The following LRP1B variants were observed in gnomAD, a reference collection of about 807,000 sequenced individuals.
LRP1B encodes LDL receptor related protein 1B, also known as low-density lipoprotein receptor-related protein 1B.
Under a neutral mutation model 556.6 loss-of-function variants are expected in LRP1B, and 217 were observed. The observed-to-expected ratio is 0.39, with a 90% CI of 0.35 to 0.44. The LOEUF (loss-of-function observed/expected upper bound fraction) is 0.44, where lower values mean the gene tolerates loss of function less well. LRP1B is among the 20% of genes least tolerant of loss of function. The pLI is 1.00. For missense variants in LRP1B, 5,053 were observed against 5,620.8 expected, an observed-to-expected ratio of 0.90 and a Z score of 3.23; for synonymous variants, 2,047 against 1,865.8, an observed-to-expected ratio of 1.10 and a Z score of -2.50.
intron 3 of LRP1B, among the ~76,000 whole-genome samples, chr2:141,404,066 G>T (rs973450683): frequency 6.6e-6 from 1 of 152,096 alleles, no homozygotes. Flanking sequence ...AACTCAAAAG[G>T]TTCCAGATGT....
intron 1 of LRP1B, among the ~76,000 whole-genome samples, chr2:141,905,516 T>C (rs1417965381): frequency 6.6e-6 from 1 of 151,450 alleles, no homozygotes; most frequent in African/African-American, 2.4e-5. Context: ...TTTAAGACAA[T>C]TGTCTTAAAT....
At chr2:141,270,415 AC>A (rs879335644) in intron 3 of LRP1B, among the ~76,000 whole-genome samples, 237 of 152,186 alleles carry the variant, frequency 1.6e-3, no homozygotes, top group Middle Eastern at 6.8e-3. Context: ...GATATGATAC[AC>A]TATTCCACTT....
At chr2:141,729,883 T>C (rs1693203520) in intron 2 of LRP1B, among the ~76,000 whole-genome samples, 1 of 152,106 alleles carries the variant, frequency 6.6e-6, no homozygotes, top group South Asian at 2.1e-4. Flanking sequence ...TGGGATCTGA[T>C]AGAGCAAGAG....
intron 6 of LRP1B, among the ~76,000 whole-genome samples, chr2:141,225,372 A>C (rs1683206044): frequency 6.6e-6 from 1 of 152,160 alleles, no homozygotes; most frequent in African/African-American, 2.4e-5. Flanking sequence ...TTTCCTTAAT[A>C]AGAGATTAAG....
chr2:141,034,808 A>G (rs922112791), intron 11 of LRP1B, among the ~76,000 whole-genome samples: 3 of 149,482 alleles, frequency 2.0e-5, no homozygotes, highest in African/African-American at 7.5e-5. Context: ...GCGATTCCTC[A>G]GGGATCTAGA....
rs941752505 is a variant in LRP1B, at chr2:141,865,159, C to T, written c.83-54758G>A. ...CTTTCTTGTTCTCAAGATCTTGTCT[C>T]GCATTTTTGTTTGTTTTTCTCTGCA... is the stretch of plus-strand genomic sequence containing the variant. On this transcript the variant is annotated intron_variant, in intron 1 of 90. Coordinates refer to ENST00000389484, the MANE Select transcript of LRP1B (RefSeq NM_018557.3). 7.9e-5 allele frequency among the ~76,000 whole-genome samples: 12 copies of T among 152,108 alleles called. No individual in the cohort carries two copies. In the East Asian group the frequency reaches 1.9e-3, roughly 24 times the overall value.
chr2:140,328,846 T>C (rs189857579), intron 79 of LRP1B, among the ~76,000 whole-genome samples: 45 of 152,078 alleles, frequency 3.0e-4, no homozygotes, highest in African/African-American at 1.1e-3. Context: ...TTTATGACAG[T>C]GATGGTAAAC....
At chr2:140,345,785 TATACACATATATACATATATAC>T (rs1681633071) in intron 77 of LRP1B, among the ~76,000 whole-genome samples, 1 of 138,832 alleles carries the variant, frequency 7.2e-6, no homozygotes, top group Non-Finnish European at 1.6e-5. Context: ...TATACATATA[TATACACATATATACATATATAC>T]ACATATATAT....
At chr2:141,176,265 G>C (rs1482962954) in intron 7 of LRP1B, among the ~76,000 whole-genome samples, 1 of 151,942 alleles carries the variant, frequency 6.6e-6, no homozygotes, top group Non-Finnish European at 1.5e-5. Context: ...GAGGGGCAGT[G>C]GTGCAATGAG....
chr2:140,509,867 CAAAT>C (rs975462967), intron 52 of LRP1B, 57 bp downstream of exon 52: 1 of 1,570,954 alleles, frequency 6.4e-7, no homozygotes, highest in African/African-American at 1.4e-5. Context: ...ACTACAAAAA[CAAAT>C]AACCAAGGAT....
At chr2:140,651,885 T>C (rs1684701834) in intron 41 of LRP1B, among the ~76,000 whole-genome samples, 1 of 152,082 alleles carries the variant, frequency 6.6e-6, no homozygotes, top group Non-Finnish European at 1.5e-5. Context: ...CACTGGAAAA[T>C]AGATAACATG....
intron 3 of LRP1B, among the ~76,000 whole-genome samples, chr2:141,454,114 A>T (rs1017949150): frequency 2.0e-5 from 3 of 152,122 alleles, no homozygotes; most frequent in Non-Finnish European, 4.4e-5. Flanking sequence ...GAATAGAGTG[A>T]AAATTTGGCA....
chr2:140,340,503 T>C (rs1253224243), intron 77 of LRP1B, among the ~76,000 whole-genome samples: 1 of 151,546 alleles, frequency 6.6e-6, no homozygotes, highest in Non-Finnish European at 1.5e-5. Flanking sequence ...TTCTCCTTCC[T>C]TATTTCCAGG....
At chr2:141,437,342 T>C (rs1046312710) in intron 3 of LRP1B, among the ~76,000 whole-genome samples, 30 of 151,992 alleles carry the variant, frequency 2.0e-4, no homozygotes, top group African/African-American at 7.0e-4. Context: ...GAAAATATTT[T>C]TTATTATAAT....
At chr2:140,264,913 A>C (rs1682129883) in intron 86 of LRP1B, among the ~76,000 whole-genome samples, 1 of 151,928 alleles carries the variant, frequency 6.6e-6, no homozygotes, top group Admixed American at 6.6e-5. Context: ...TCAGTGAGCT[A>C]TTTGACCCAC....
At chr2:141,109,550 C>T (rs992172322) in intron 7 of LRP1B, among the ~76,000 whole-genome samples, 14 of 151,542 alleles carry the variant, frequency 9.2e-5, no homozygotes, top group African/African-American at 3.2e-4. Context: ...AAAAGGAGGA[C>T]TCAAACATAG....
At chr2:141,549,313 A>AG (rs1685667457) in intron 2 of LRP1B, among the ~76,000 whole-genome samples, 2 of 152,290 alleles carry the variant, frequency 1.3e-5, no homozygotes, top group African/African-American at 4.8e-5. Context: ...TTAGGATAGA[A>AG]GCTGGCACAA....
In LRP1B at chr2:142,106,012, G is replaced by A. The variant is rs146995322; in HGVS notation, c.82+24636C>T. On this transcript the variant is annotated intron_variant, in intron 1 of 90. Coordinates refer to ENST00000389484, the MANE Select transcript of LRP1B (RefSeq NM_018557.3). ...AACACCACAAAACAATGAACTGCTG[G>A]ATTACTGGTACACATACTCCCTGCT... Among the ~76,000 whole-genome samples the A allele has an allele frequency of 3.4e-3, 521 of 152,154 alleles. 1 individual carries two copies. The highest frequency in any genetic ancestry group is 0.017 in the Middle Eastern group (5 of 294).
In LRP1B at chr2:140,598,804, G is replaced by A. The variant is rs2105189591; in HGVS notation, c.7021C>T (p.His2341Tyr). ...AGAGTAGATCTCATGATACTTGGAT[G>A]TTGTTCATTCCAGTTGGTCCAAAAC... The part of the protein sequence containing the change: ...LMFWTNWNEQ[H>Y]PSIMRSTLTG... The change falls in exon 43 of 91, where the codon CAT becomes TAT. Residue 2341 changes from histidine (H) to tyrosine (Y), a missense_variant. Around this residue, in one of 5 missense-constraint regions of LRP1B, gnomAD observed 3,619 missense variants for 3,931.9 expected, o/e 0.92. Coordinates refer to ENST00000389484, the MANE Select transcript of LRP1B (RefSeq NM_018557.3). 6.2e-7 allele frequency: 1 copy of A among 1,610,376 alleles called. No individual in the cohort carries two copies. Among genetic ancestry groups the A allele is most frequent in the Non-Finnish European group, 8.5e-7 (1 of 1,176,942 alleles).
Sources: gnomAD v4.1 joint callset for allele counts (sites outside exome capture counted in the v4.1 genomes callset) on GRCh38, gnomAD v4.1.1 for gene constraint, gnomAD v4.1.1 regional missense constraint, MANE v1.5 for transcripts, NCBI Gene and HGNC (gene_info 2026-07-23, HGNC 2026-07-21) for gene names.